Variants in TUSC3 observed in about 807,000 individuals in gnomAD.
The protein encoded by TUSC3 is tumor suppressor candidate 3.
TUSC3 carries 45 observed loss-of-function variants against 44.8 expected under a neutral mutation model. That is an observed-to-expected ratio of 1.00 (90% CI 0.79 to 1.29). The LOEUF (loss-of-function observed/expected upper bound fraction) is 1.29, where lower values mean the gene tolerates loss of function less well. TUSC3 is among the 50% of genes most tolerant of loss of function. TUSC3 has a pLI of 0.00. For missense variants in TUSC3, 519 were observed against 437.9 expected (o/e 1.19, Z -1.65); for synonymous variants, 212 against 152.9 (o/e 1.39, Z -2.85).
upstream of TUSC3, among the ~76,000 whole-genome samples, chr8:15,537,663 T>G (rs1306410547): frequency 1.3e-5 from 2 of 152,084 alleles, no homozygotes; most frequent in Non-Finnish European, 2.9e-5. Context: ...GGAGCGTAAC[T>G]TGGAAACTGA....
intron 3 of TUSC3, among the ~76,000 whole-genome samples, chr8:15,655,115 C>A (rs1254612745): frequency 6.6e-6 from 1 of 152,098 alleles, no homozygotes; most frequent in Non-Finnish European, 1.5e-5. Flanking sequence ...TGTCAGGTGA[C>A]CATCATGTGA....
At chr8:15,717,797 C>T (rs187038870) in intron 6 of TUSC3, among the ~76,000 whole-genome samples, 1 of 152,154 alleles carries the variant, frequency 6.6e-6, no homozygotes, top group East Asian at 1.9e-4. Context: ...CCTATAGCAC[C>T]TCTCAAGAAG....
chr8:15,766,617 C>G lies in TUSC3; in HGVS notation c.*2461C>G, dbSNP rs969956165. ...ATTTTGCTTAACATACTGTTCCTGG[C>G]ATTAGATATTCACATGAGTAAGCCC... On this transcript the variant is annotated 3_prime_UTR_variant, in exon 11 of 11. Coordinates refer to ENST00000503731, the MANE Select transcript of TUSC3 (RefSeq NM_006765.4). 1 of 152,098 alleles carries G rather than the reference C, an allele frequency of 6.6e-6. No homozygotes were observed. Among genetic ancestry groups the G allele is most frequent in the African/African-American group, 2.4e-5 (1 of 41,420 alleles). The allele number at this position is 152,098 out of a possible 1,614,324, so 9.4% of individuals were successfully genotyped here.
chr8:15,488,656 C>T (rs1800766481), intron 2 of TUSC3, among the ~76,000 whole-genome samples: 1 of 152,184 alleles, frequency 6.6e-6, no homozygotes, highest in East Asian at 1.9e-4. Context: ...GGTAGAGTCC[C>T]TATGATGAGA....
chr8:15,497,799 C>T (rs1365155924), intron 2 of TUSC3, among the ~76,000 whole-genome samples: 1 of 151,108 alleles, frequency 6.6e-6, no homozygotes, highest in Non-Finnish European at 1.5e-5. Context: ...GGCTGGAGTG[C>T]AATGGTGTGA....
At chr8:15,518,278 C>T (rs1487086193) in intron 2 of TUSC3, among the ~76,000 whole-genome samples, 1 of 151,934 alleles carries the variant, frequency 6.6e-6, no homozygotes, top group Non-Finnish European at 1.5e-5. Flanking sequence ...CATCAAAATG[C>T]CATGTGTTTT....
At chr8:15,783,382 G>A in the TUSC3 span, among the ~76,000 whole-genome samples, 2 of 152,094 alleles carry the variant, frequency 1.3e-5, no homozygotes, top group African/African-American at 2.4e-5. Context: ...ATCCTAAAAT[G>A]TATATGGAAG....
chr8:15,707,541 G>A lies in TUSC3; in HGVS notation c.799-23125G>A, dbSNP rs186797299. Among the ~76,000 whole-genome samples the A allele has an allele frequency of 2.6e-3, 393 of 151,996 alleles. 2 individuals carry two copies. The highest frequency in any genetic ancestry group is 4.0e-3 in the Non-Finnish European group (274 of 67,936). ...CTCTTGATGTTTTCCCAGGCCTGTA[G>A]GGGAAATGATATGTAAGTAGACAAC... On this transcript the variant is annotated intron_variant, in intron 6 of 10. Coordinates refer to ENST00000503731, the MANE Select transcript of TUSC3 (RefSeq NM_006765.4).
intron 1 of TUSC3, among the ~76,000 whole-genome samples, chr8:15,591,686 TTTAAG>T (rs1465912369): frequency 6.6e-6 from 1 of 152,170 alleles, no homozygotes; most frequent in East Asian, 1.9e-4. Flanking sequence ...AGATCTGACT[TTTAAG>T]TAAGAATCTT....
At chr8:15,692,949 AT>A (rs374346315) in intron 6 of TUSC3, among the ~76,000 whole-genome samples, 1 of 152,096 alleles carries the variant, frequency 6.6e-6, no homozygotes, top group African/African-American at 2.4e-5. Context: ...GCTTTAAAGA[AT>A]GTTTTGTCTG....
intron 8 of TUSC3, among the ~76,000 whole-genome samples, chr8:15,748,118 A>C (rs1390728141): frequency 6.6e-6 from 1 of 152,116 alleles, no homozygotes; most frequent in African/African-American, 2.4e-5. Context: ...GACTTAGATC[A>C]GTCAATTTTG....
the TUSC3 span, among the ~76,000 whole-genome samples, chr8:15,783,806 C>T: frequency 6.6e-6 from 1 of 152,092 alleles, no homozygotes; most frequent in African/African-American, 2.4e-5. Context: ...GCAGTAATTT[C>T]TTGGATATAA....
intron 2 of TUSC3, among the ~76,000 whole-genome samples, chr8:15,502,564 C>T (rs1296688631): frequency 6.6e-6 from 1 of 152,228 alleles, no homozygotes; most frequent in Non-Finnish European, 1.5e-5. Context: ...GATCTCCGCT[C>T]ACTGCAAGCT....
the TUSC3 span, among the ~76,000 whole-genome samples, chr8:15,811,853 G>GT: frequency 2.0e-5 from 3 of 151,988 alleles, no homozygotes; most frequent in African/African-American, 7.2e-5. Flanking sequence ...GCAAAAGCCT[G>GT]TATAAAATAG....
chr8:15,472,201 A>C (rs1800503046), intron 1 of TUSC3, among the ~76,000 whole-genome samples: 1 of 152,192 alleles, frequency 6.6e-6, no homozygotes, highest in African/African-American at 2.4e-5. Context: ...ACAAGTCTTA[A>C]CTTAATGCCT....
the TUSC3 span, among the ~76,000 whole-genome samples, chr8:15,832,868 G>T: frequency 6.6e-6 from 1 of 152,076 alleles, no homozygotes; most frequent in African/African-American, 2.4e-5. Flanking sequence ...GTATTAGATA[G>T]ATCATCAAAC....
At chr8:15,766,652 T>G (rs1222856574), downstream of TUSC3, 2 of 152,140 alleles carry the variant, frequency 1.3e-5, no homozygotes, top group Non-Finnish European at 2.9e-5. Flanking sequence ...CAGTAGCATT[T>G]TGTGCTTACT....
At chr8:15,458,249 T>C (rs1398068438) in intron 1 of TUSC3, among the ~76,000 whole-genome samples, 1 of 152,158 alleles carries the variant, frequency 6.6e-6, no homozygotes, top group Non-Finnish European at 1.5e-5. Context: ...TTTCTTTTTT[T>C]TCTTTTTAAG....
intron 1 of TUSC3, among the ~76,000 whole-genome samples, chr8:15,439,000 C>T (rs577765769): frequency 9.6e-4 from 146 of 152,248 alleles, no homozygotes; most frequent in African/African-American, 3.4e-3. Flanking sequence ...TTGGTCGAGG[C>T]AATCTATACC....
Sources: gnomAD v4.1 joint callset for allele counts (sites outside exome capture counted in the v4.1 genomes callset) on GRCh38, gnomAD v4.1.1 for gene constraint, MANE v1.5 for transcripts, NCBI Gene and HGNC (gene_info 2026-07-23, HGNC 2026-07-21) for gene names.